The following TRABD2B variants were observed in gnomAD, a reference collection of about 807,000 sequenced individuals.
The protein encoded by TRABD2B is metalloprotease TIKI2.
A neutral mutation model predicts 40.1 loss-of-function variants in TRABD2B; 14 were observed. That is an observed-to-expected ratio of 0.35 (90% CI 0.23 to 0.55). The LOEUF (loss-of-function observed/expected upper bound fraction) is 0.55, where lower values mean the gene tolerates loss of function less well. Among genes scored for constraint, TRABD2B ranks in the 20% least tolerant of loss-of-function variants. The probability of loss-of-function intolerance (pLI) is 0.90; values close to 1 mark genes in which losing one functional copy is unlikely to be tolerated. For missense variants in TRABD2B, 541 were observed against 648.6 expected (o/e 0.83, Z 1.80); for synonymous variants, 263 against 277.0 (o/e 0.95, Z 0.50).
intron 2 of TRABD2B, among the ~76,000 whole-genome samples, chr1:47,931,961 TATG>T (rs1645045563): frequency 2.0e-5 from 3 of 152,226 alleles, no homozygotes; most frequent in Admixed American, 2.0e-4. Flanking sequence ...TCTCTGAGAA[TATG>T]ATATTTGATC....
chr1:47,814,216 T>A (rs1182051723), intron 2 of TRABD2B, among the ~76,000 whole-genome samples: 1 of 151,906 alleles, frequency 6.6e-6, no homozygotes, highest in Non-Finnish European at 1.5e-5. Context: ...GGGGCTGGAG[T>A]GCAGCCTGTG....
At chr1:47,778,623 A>T in intron 4 of TRABD2B, 79 bp from the exon 5 acceptor site, 1 of 1,035,900 alleles carries the variant, frequency 9.7e-7, no homozygotes, top group Non-Finnish European at 1.4e-6. Flanking sequence ...CCATCCCCTA[A>T]GTTTGTATCT....
intron 2 of TRABD2B, among the ~76,000 whole-genome samples, chr1:47,950,177 C>T (rs35839389): frequency 0.023 from 3,556 of 151,934 alleles, 109 homozygotes; most frequent in Admixed American, 0.09. Context: ...CCCAGCTACT[C>T]GGGAGGCTGA....
chr1:47,903,505 C>T (rs1278675447), intron 2 of TRABD2B, among the ~76,000 whole-genome samples: 2 of 152,020 alleles, frequency 1.3e-5, no homozygotes, highest in South Asian at 2.1e-4. Flanking sequence ...GTGTCTGTGC[C>T]CCCAGGGCCC....
Position 47,775,366 on chromosome 1 carries a change from C to T in TRABD2B, c.1153G>A (p.Ala385Thr), listed in dbSNP as rs1418065899. 1.1e-5 allele frequency: 14 copies of T among 1,237,810 alleles called. No homozygotes were observed. Among genetic ancestry groups the T allele is most frequent in the African/African-American group, 1.5e-5 (1 of 64,560 alleles). 76.7% of individuals were successfully genotyped at this position (1,237,810 alleles called of 1,614,324 possible). ...TSPAPVTPAA[A>T]VPEAPSVTPT... ...GTCACAGAGGGTGCTTCGGGGACAGCGGCAGCTGGGGTCACTGGGGCCGGG... is the reference window on the plus strand; with the variant it reads ...GTCACAGAGGGTGCTTCGGGGACAGTGGCAGCTGGGGTCACTGGGGCCGGG... The change falls in exon 6 of 7, where the codon GCT becomes ACT. Residue 385 changes from alanine (A) to threonine (T), a missense_variant. Ala to Thr is a moderately conservative substitution (Grantham distance 58). Coordinates refer to ENST00000606738, the MANE Select transcript of TRABD2B (RefSeq NM_001194986.2).
At chr1:47,869,049 T>A (rs1644102935) in intron 2 of TRABD2B, among the ~76,000 whole-genome samples, 1 of 152,024 alleles carries the variant, frequency 6.6e-6, no homozygotes, top group African/African-American at 2.4e-5. Flanking sequence ...TCTTCTTTCC[T>A]CCCTCCCTCC....
chr1:47,882,271 G>C (rs551129162), intron 2 of TRABD2B, among the ~76,000 whole-genome samples: 1 of 152,274 alleles, frequency 6.6e-6, no homozygotes, highest in African/African-American at 2.4e-5. Flanking sequence ...TTCACTGTGG[G>C]GACTGCACGT....
At chr1:47,936,865 C>T (rs750887932) in intron 2 of TRABD2B, among the ~76,000 whole-genome samples, 3 of 88,186 alleles carry the variant, frequency 3.4e-5, no homozygotes, top group Non-Finnish European at 7.7e-5. Context: ...ATCATCATCA[C>T]CACCACCACC....
intron 2 of TRABD2B, among the ~76,000 whole-genome samples, chr1:47,817,270 T>G (rs746442591): frequency 1.3e-5 from 2 of 151,894 alleles, no homozygotes; most frequent in Non-Finnish European, 2.9e-5. Flanking sequence ...CCAGTCAGTG[T>G]GCTTTCTCAA....
At chr1:47,948,219 G>A (rs1445164797) in intron 2 of TRABD2B, among the ~76,000 whole-genome samples, 1 of 152,170 alleles carries the variant, frequency 6.6e-6, no homozygotes, top group Non-Finnish European at 1.5e-5. Context: ...TGTAGGCAAA[G>A]GTGCTGTTAT....
intron 2 of TRABD2B, among the ~76,000 whole-genome samples, chr1:47,897,513 A>AAG (rs1322809997): frequency 6.6e-6 from 1 of 152,218 alleles, no homozygotes; most frequent in Non-Finnish European, 1.5e-5. Context: ...GGCAGCTGCA[A>AAG]AGATGGAAGA....
intron 2 of TRABD2B, among the ~76,000 whole-genome samples, chr1:47,927,780 G>T (rs1644988980): frequency 6.6e-6 from 1 of 152,208 alleles, no homozygotes; most frequent in African/African-American, 2.4e-5. Context: ...TCTGCGAAAT[G>T]GGAGACATTC....
At chr1:47,895,267 G>C (rs1644501817) in intron 2 of TRABD2B, among the ~76,000 whole-genome samples, 1 of 152,146 alleles carries the variant, frequency 6.6e-6, no homozygotes, top group Admixed American at 6.5e-5. Context: ...CCCCCAGCCA[G>C]GAAGCCCAGC....
At chr1:47,824,747 T>C (rs960794073) in intron 2 of TRABD2B, among the ~76,000 whole-genome samples, 1 of 152,162 alleles carries the variant, frequency 6.6e-6, no homozygotes, top group African/African-American at 2.4e-5. Context: ...ATAGTTCCTT[T>C]CCTTCCTCTG....
At chr1:47,785,526 C>T (rs764100010) in intron 4 of TRABD2B, among the ~76,000 whole-genome samples, 3 of 152,336 alleles carry the variant, frequency 2.0e-5, no homozygotes, top group Admixed American at 1.3e-4. Context: ...CCATGAACAG[C>T]GCAAAGATGG....
At chr1:47,810,892 A>C (rs1403788502) in intron 2 of TRABD2B, among the ~76,000 whole-genome samples, 1 of 152,200 alleles carries the variant, frequency 6.6e-6, no homozygotes, top group Non-Finnish European at 1.5e-5. Flanking sequence ...CGGAGGTAAG[A>C]AATATTCAAC....
intron 4 of TRABD2B, among the ~76,000 whole-genome samples, chr1:47,781,414 G>A (rs758980985): frequency 1.3e-5 from 2 of 152,180 alleles, no homozygotes; most frequent in Non-Finnish European, 2.9e-5. Flanking sequence ...CTGAGTAGAG[G>A]AGACACTTAG....
rs1275728903 is a variant in TRABD2B at position 47,763,653 on chromosome 1, C to T, written c.*2249G>A. 1 of 152,242 alleles carries T rather than the reference C, an allele frequency of 6.6e-6. No homozygotes were observed. The highest frequency in any genetic ancestry group is 1.5e-5 in the Non-Finnish European group (1 of 68,042). The allele number at this position is 152,242 out of a possible 1,614,324, so 9.4% of individuals were successfully genotyped here. ...CCTGGCACAGATCTGGGCACACGGT[C>T]AGGTGCCTGGACTGTTTACCCAAAT... On this transcript the variant is annotated 3_prime_UTR_variant, in exon 7 of 7. Coordinates refer to ENST00000606738, the MANE Select transcript of TRABD2B (RefSeq NM_001194986.2).
In TRABD2B at chr1:47,994,159, G is replaced by T; in HGVS notation, c.541C>A (p.Arg181Ser). ...NSLTERDVRF[R>S]GVPVLDLYLA... is the part of the protein sequence containing the mutation. ...TAGAGGTCGAGCACGGGCACACCAC[G>T]GAAGCGCACGTCCCTCTCTGTGAGC... is the stretch of plus-strand genomic sequence containing the variant. Residue 181 changes from arginine (R) to serine (S), a missense_variant, in exon 2 of 7, where the codon CGT (arginine) becomes AGT (serine). Physicochemically the swap from Arg to Ser is moderately radical, Grantham distance 110. Transcript: ENST00000606738. This position sits in a 1 kb window ranked among gnomAD's most constrained non-coding sequence, Gnocchi z 6.7. 6.5e-7 allele frequency: 1 copy of T among 1,536,672 alleles called. No homozygotes were observed. The highest frequency in any genetic ancestry group is 8.7e-7 in the Non-Finnish European group (1 of 1,147,026).
Sources: gnomAD v4.1 joint callset for allele counts (sites outside exome capture counted in the v4.1 genomes callset) on GRCh38, gnomAD v4.1.1 for gene constraint, Gnocchi (gnomAD v3.1) non-coding constraint, MANE v1.5 for transcripts, NCBI Gene and HGNC (gene_info 2026-07-23, HGNC 2026-07-21) for gene names.